Variants in PDZRN4 observed in about 807,000 individuals in gnomAD.
The protein encoded by PDZRN4 is PDZ domain-containing RING finger protein 4.
In PDZRN4, 70 loss-of-function variants were observed where a neutral mutation model predicts 99.0. The ratio of observed to expected loss-of-function variants is 0.71; its 90% CI spans 0.58 to 0.86. The LOEUF is 0.86. Ranked by LOEUF, PDZRN4 falls within the 40% of genes least tolerant of loss-of-function variation. The pLI, the probability that PDZRN4 is intolerant of heterozygous loss-of-function variation, is 0.00. For synonymous variants in PDZRN4, 551 were observed against 501.6 expected (o/e 1.10, Z -1.32); for missense variants, 1,474 against 1,331.2 (o/e 1.11, Z -1.67).
At chr12:41,218,608 G>A (rs114276757) in intron 3 of PDZRN4, among the ~76,000 whole-genome samples, 1,970 of 152,136 alleles carry the variant, frequency 0.013, 33 homozygotes, top group African/African-American at 0.045. Flanking sequence ...GGCGTAATAA[G>A]TGACTCCTCA....
At chr12:41,204,486 C>G (rs181504125) in intron 3 of PDZRN4, among the ~76,000 whole-genome samples, 8 of 152,104 alleles carry the variant, frequency 5.3e-5, no homozygotes, top group Non-Finnish European at 7.4e-5. Context: ...TTAGTCCATT[C>G]TCACACTGCT....
At chr12:41,418,576 A>G (rs1565577929) in intron 3 of PDZRN4, among the ~76,000 whole-genome samples, 1 of 152,218 alleles carries the variant, frequency 6.6e-6, no homozygotes, top group Non-Finnish European at 1.5e-5. Flanking sequence ...CTAAATAGTC[A>G]TGACTTTGTC....
intron 3 of PDZRN4, among the ~76,000 whole-genome samples, chr12:41,245,701 G>C (rs1951129462): frequency 6.6e-6 from 1 of 152,078 alleles, no homozygotes; most frequent in African/African-American, 2.4e-5. Context: ...AAAAATATAT[G>C]GCAATATAAT....
At chr12:41,301,388 T>C (rs1430485763) in intron 3 of PDZRN4, among the ~76,000 whole-genome samples, 1 of 152,102 alleles carries the variant, frequency 6.6e-6, no homozygotes, top group African/African-American at 2.4e-5. Context: ...ATTGCCATGA[T>C]GAGGACTGTT....
chr12:41,501,354 A>G (rs1938106091), intron 3 of PDZRN4, among the ~76,000 whole-genome samples: 1 of 152,098 alleles, frequency 6.6e-6, no homozygotes, highest in African/African-American at 2.4e-5. Context: ...TATCCAAGAA[A>G]ATTTTGCATG....
rs140457492 is a variant in PDZRN4, at chr12:41,463,092, A to G, written c.844-43364A>G. ...TCTCAGAAATCTTCAGTAGCTTCCA[A>G]CTATCTACAAAATCACCAAATCAGT... On this transcript the variant is annotated intron_variant, in intron 3 of 9. Coordinates refer to ENST00000402685, the MANE Select transcript of PDZRN4 (RefSeq NM_001164595.2). Among the ~76,000 whole-genome samples the G allele has an allele frequency of 1.1e-4, 17 of 152,320 alleles. No homozygotes were observed. In the East Asian group the frequency reaches 1.5e-3, roughly 14 times the overall value.
At chr12:41,566,126 T>C (rs1038401021) in intron 8 of PDZRN4, among the ~76,000 whole-genome samples, 2 of 152,164 alleles carry the variant, frequency 1.3e-5, no homozygotes, top group Non-Finnish European at 2.9e-5. Flanking sequence ...ATAATGACTA[T>C]GGCTGGCAAC....
intron 3 of PDZRN4, among the ~76,000 whole-genome samples, chr12:41,199,399 A>G (rs1297046934): frequency 1.3e-5 from 2 of 152,156 alleles, no homozygotes; most frequent in Non-Finnish European, 2.9e-5. Context: ...ACACTTACAC[A>G]CTATTGGTTG....
At chr12:41,485,396 G>C (rs1157872739) in intron 3 of PDZRN4, among the ~76,000 whole-genome samples, 1 of 152,162 alleles carries the variant, frequency 6.6e-6, no homozygotes, top group African/African-American at 2.4e-5. Flanking sequence ...TTCCGGTACG[G>C]AAATGACAAG....
intron 3 of PDZRN4, among the ~76,000 whole-genome samples, chr12:41,450,537 G>GAT (rs1952765922): frequency 6.6e-6 from 1 of 152,190 alleles, no homozygotes; most frequent in African/African-American, 2.4e-5. Context: ...AAGGAGGAAA[G>GAT]ATATCTTTAC....
chr12:41,195,163 C>T (rs1183004865), intron 3 of PDZRN4, among the ~76,000 whole-genome samples: 1 of 152,162 alleles, frequency 6.6e-6, no homozygotes, highest in African/African-American at 2.4e-5. Context: ...TCTGCCATCT[C>T]TGTCCTTTTG....
intron 3 of PDZRN4, among the ~76,000 whole-genome samples, chr12:41,236,388 G>A (rs1437009140): frequency 2.6e-5 from 4 of 152,058 alleles, no homozygotes; most frequent in Admixed American, 2.6e-4. Flanking sequence ...GGGAAATCTG[G>A]CATGGCTGGA....
chr12:41,353,971 C>T (rs11180846), intron 3 of PDZRN4, among the ~76,000 whole-genome samples: 14 of 151,860 alleles, frequency 9.2e-5, no homozygotes, highest in South Asian at 2.1e-4. Flanking sequence ...CATTACCTAA[C>T]GGATACTTTA....
rs11180951 is a variant in PDZRN4 at position 41,486,101 on chromosome 12, T to A, written c.844-20355T>A. On this transcript the variant is annotated intron_variant, in intron 3 of 9. Transcript: ENST00000402685. The stretch of plus-strand genomic sequence containing the variant: ...TTATAGCATAGTTCTACATATTTTT[T>A]AAAAACATTATTTCAGCCCTTTGTT... Among the ~76,000 whole-genome samples the A allele has an allele frequency of 5.2e-3, 796 of 152,270 alleles. 9 individuals are homozygous for A. The highest frequency in any genetic ancestry group is 0.018 in the African/African-American group (754 of 41,562).
intron 3 of PDZRN4, among the ~76,000 whole-genome samples, chr12:41,312,091 T>A (rs1409911122): frequency 6.6e-6 from 1 of 152,184 alleles, no homozygotes; most frequent in Non-Finnish European, 1.5e-5. Flanking sequence ...TTTTCTACCA[T>A]GCCCAAATAC....
chr12:41,217,474 C>A (rs1277267695), intron 3 of PDZRN4, among the ~76,000 whole-genome samples: 1 of 151,940 alleles, frequency 6.6e-6, no homozygotes, highest in Non-Finnish European at 1.5e-5. Flanking sequence ...ATAAAAGCAC[C>A]AAATGAGTGC....
chr12:41,280,239 G>A (rs932958498), intron 3 of PDZRN4, among the ~76,000 whole-genome samples: 1 of 152,118 alleles, frequency 6.6e-6, no homozygotes, highest in Non-Finnish European at 1.5e-5. Context: ...GATTCCCTCG[G>A]GTGCCTACAC....
chr12:41,346,922 T>C (rs1207478139), intron 3 of PDZRN4, among the ~76,000 whole-genome samples: 1 of 152,216 alleles, frequency 6.6e-6, no homozygotes, highest in East Asian at 1.9e-4. Context: ...TTGTGTCTGT[T>C]TTCTTTCACT....
At chr12:41,500,351 C>G (rs751708990) in intron 3 of PDZRN4, among the ~76,000 whole-genome samples, 1 of 151,934 alleles carries the variant, frequency 6.6e-6, no homozygotes, top group African/African-American at 2.4e-5. Flanking sequence ...TCCAGACAGA[C>G]AAGCAGAAGA....
Sources: allele counts gnomAD v4.1 joint callset (sites outside exome capture counted in the v4.1 genomes callset), GRCh38; gene constraint gnomAD v4.1.1; transcripts MANE v1.5; gene names NCBI Gene and HGNC (gene_info 2026-07-23, HGNC 2026-07-21).